Variants in COL28A1 observed in about 807,000 individuals in gnomAD.
COL28A1 encodes the protein collagen alpha-1(XXVIII) chain.
COL28A1 carries 161 observed loss-of-function variants against 150.2 expected under a neutral mutation model. The observed-to-expected ratio is 1.07, with a 90% CI of 0.94 to 1.22. The LOEUF (loss-of-function observed/expected upper bound fraction) is 1.22. Ranked by LOEUF, COL28A1 falls within the 50% of genes most tolerant of loss-of-function variation. COL28A1 has a pLI of 0.00. For missense variants in COL28A1, 1,617 were observed against 1,388.3 expected (o/e 1.16, Z -2.62); for synonymous variants, 552 against 469.7 (o/e 1.18, Z -2.26).
At chr7:7,379,973 A>G (rs1275113994) in intron 30 of COL28A1, among the ~76,000 whole-genome samples, 2 of 152,130 alleles carry the variant, frequency 1.3e-5, no homozygotes, top group African/African-American at 2.4e-5. Context: ...TCACACTTGG[A>G]TGTTCCTAGT....
At chr7:7,444,349 C>A in intron 19 of COL28A1, 69 bp downstream of exon 19, 1 of 1,596,070 alleles carries the variant, frequency 6.3e-7, no homozygotes, top group Admixed American at 1.8e-5. Flanking sequence ...TATTCGAGCT[C>A]CTGCAGGACC....
At chr7:7,355,517 A>G (rs1266727661), downstream of COL28A1, among the ~76,000 whole-genome samples, 1 of 151,996 alleles carries the variant, frequency 6.6e-6, no homozygotes, top group Non-Finnish European at 1.5e-5. Flanking sequence ...GGCTGAGGTG[A>G]GAGGATCACT....
intron 23 of COL28A1, among the ~76,000 whole-genome samples, chr7:7,434,834 A>G (rs1013916618): frequency 2.0e-5 from 3 of 152,330 alleles, no homozygotes; most frequent in African/African-American, 7.2e-5. Context: ...ATGTCCTACA[A>G]AGTTATTTAC....
At chr7:7,353,184 A>T (rs999634739), downstream of COL28A1, among the ~76,000 whole-genome samples, 2 of 152,194 alleles carry the variant, frequency 1.3e-5, no homozygotes, top group African/African-American at 2.4e-5. Flanking sequence ...TCTACAATCC[A>T]AGTCTAGTTC....
chr7:7,399,809 A>G (rs1783066164), intron 27 of COL28A1, among the ~76,000 whole-genome samples: 1 of 152,232 alleles, frequency 6.6e-6, no homozygotes, highest in African/African-American at 2.4e-5. Context: ...ACAGTTAAAT[A>G]AAGCAGATAA....
At position 7,358,802 on chromosome 7, in the gene COL28A1, G is replaced by C. The variant is rs771362285; in HGVS notation, c.3209C>G (p.Pro1070Arg). Residue 1070 changes from proline (P) to arginine (R), a missense_variant, in exon 35 of 35, where the codon CCT becomes CGT. By Grantham distance (103) the Pro-to-Arg change is moderately radical (BLOSUM62 -2). Coordinates refer to ENST00000399429, the MANE Select transcript of COL28A1 (RefSeq NM_001037763.3). ...AGGCTTCAAGGCTTCCAAACATCTAGGATCTAGAGTGAGAAAAGGAAAATG... is the reference window on the plus strand; with the variant it reads ...AGGCTTCAAGGCTTCCAAACATCTACGATCTAGAGTGAGAAAAGGAAAATG... ...LSTPVDGAEDPRCLEALKPGN... is the reference protein window; with the variant it reads ...LSTPVDGAEDRRCLEALKPGN... The C allele has an allele frequency of 8.1e-6, 13 of 1,605,482 alleles. No individual in the cohort carries two copies. The South Asian group carries it at 9.0e-5, about 11-fold the overall frequency.
intron 27 of COL28A1, among the ~76,000 whole-genome samples, chr7:7,390,747 C>A (rs1449353234): frequency 4.6e-5 from 7 of 152,136 alleles, no homozygotes; most frequent in Non-Finnish European, 8.8e-5. Flanking sequence ...GGAACTTATC[C>A]ATTTCTTCTA....
chr7:7,398,749 A>G (rs972503542), intron 27 of COL28A1, among the ~76,000 whole-genome samples: 3 of 152,190 alleles, frequency 2.0e-5, no homozygotes, highest in African/African-American at 7.2e-5. Flanking sequence ...ATACAGAGAG[A>G]CAGGGTTGCC....
chr7:7,481,296 AAAAGC>A (rs1789365690), intron 13 of COL28A1, among the ~76,000 whole-genome samples: 1 of 152,202 alleles, frequency 6.6e-6, no homozygotes, highest in African/African-American at 2.4e-5. Context: ...TTTAGGAGAA[AAAAGC>A]AGTGATCCAA....
intron 8 of COL28A1, among the ~76,000 whole-genome samples, chr7:7,513,000 C>T (rs969184340): frequency 1.3e-4 from 20 of 152,186 alleles, no homozygotes; most frequent in African/African-American, 4.1e-4. Context: ...GTCAGCTGAA[C>T]TTTAAACAGT....
chr7:7,400,975 G>GT (rs1783145948), intron 27 of COL28A1, among the ~76,000 whole-genome samples: 1 of 119,074 alleles, frequency 8.4e-6, no homozygotes, highest in Non-Finnish European at 1.7e-5. Flanking sequence ...TGGGTATTTG[G>GT]GTGTGTGTGT....
At chr7:7,455,862 T>TA (rs975771276) in intron 16 of COL28A1, among the ~76,000 whole-genome samples, 182 bp downstream of exon 16, 1 of 152,240 alleles carries the variant, frequency 6.6e-6, no homozygotes, top group Non-Finnish European at 1.5e-5. Flanking sequence ...TTGGAAGTTC[T>TA]AAAAAATAAA....
At chr7:7,480,118 T>A (rs1434520210) in intron 13 of COL28A1, among the ~76,000 whole-genome samples, 1 of 152,176 alleles carries the variant, frequency 6.6e-6, no homozygotes, top group African/African-American at 2.4e-5. Flanking sequence ...TTAAGACGCT[T>A]TTCTCCTCAA....
chr7:7,365,538 A>G (rs879637283), intron 33 of COL28A1, among the ~76,000 whole-genome samples: 1 of 152,164 alleles, frequency 6.6e-6, no homozygotes, highest in Non-Finnish European at 1.5e-5. Flanking sequence ...TCCCAAGAAC[A>G]TGTATGCATG....
rs978717218 is a variant in COL28A1 at position 7,419,597 on chromosome 7, G to A, written c.2067+288C>T. On this transcript the variant is annotated intron_variant, in intron 26 of 34. Transcript: ENST00000399429. ...GGCACCTCTGCCAAAGTAAAGATGT[G>A]CTTCTTGATGACGGCACAGCCTCTA... 4.6e-5 allele frequency among the ~76,000 whole-genome samples: 7 copies of A among 152,158 alleles called. No individual in the cohort carries two copies. In the East Asian group the frequency reaches 1.3e-3, roughly 29 times the overall value.
chr7:7,516,967 A>T (rs1290530096), intron 7 of COL28A1, among the ~76,000 whole-genome samples: 1 of 152,202 alleles, frequency 6.6e-6, no homozygotes, highest in Admixed American at 6.5e-5. Context: ...GGAATAGAAG[A>T]TAAACGTAGA....
At chr7:7,372,425 AT>A (rs1333403863) in intron 32 of COL28A1, among the ~76,000 whole-genome samples, 9 of 151,178 alleles carry the variant, frequency 6.0e-5, no homozygotes, top group African/African-American at 2.2e-4. Flanking sequence ...AAATAAATAA[AT>A]AAATAAATAA....
At chr7:7,394,639 T>C (rs1359382700) in intron 27 of COL28A1, among the ~76,000 whole-genome samples, 1 of 152,146 alleles carries the variant, frequency 6.6e-6, no homozygotes. Context: ...ATTGTCCACT[T>C]GGACACAGCC....
intron 26 of COL28A1, 95 bp from the exon 27 acceptor site, chr7:7,418,022 C>A: frequency 1.0e-6 from 1 of 954,338 alleles, no homozygotes; most frequent in Non-Finnish European, 1.6e-6. Flanking sequence ...ATTCTTACTT[C>A]AGTCTGACCA....
Sources: allele counts gnomAD v4.1 joint callset (sites outside exome capture counted in the v4.1 genomes callset), GRCh38; gene constraint gnomAD v4.1.1; transcripts MANE v1.5; gene names NCBI Gene and HGNC (gene_info 2026-07-23, HGNC 2026-07-21).